EIF2B3: variants seen among roughly 807,000 people sequenced by gnomAD.
EIF2B3 encodes the protein eukaryotic translation initiation factor 2B subunit gamma, also known as translation initiation factor eIF2B subunit gamma.
Under a neutral mutation model 54.1 loss-of-function variants are expected in EIF2B3, and 20 were observed. The ratio of observed to expected loss-of-function variants is 0.37; its 90% CI spans 0.26 to 0.54. EIF2B3 has a LOEUF of 0.54. Among genes scored for constraint, EIF2B3 ranks in the 20% least tolerant of loss-of-function variants. The pLI is 0.86. For synonymous variants in EIF2B3, 153 were observed against 188.1 expected (o/e 0.81, Z 1.52); for missense variants, 448 against 547.8 (o/e 0.82, Z 1.82).
chr1:44,923,712 C>T (rs1032404192), intron 5 of EIF2B3, among the ~76,000 whole-genome samples: 3 of 152,122 alleles, frequency 2.0e-5, no homozygotes, highest in Non-Finnish European at 4.4e-5. Flanking sequence ...TCATTAATTA[C>T]ATTTAATCAT....
chr1:44,914,085 T>C (rs1431938208), intron 5 of EIF2B3, among the ~76,000 whole-genome samples: 2 of 149,658 alleles, frequency 1.3e-5, no homozygotes, highest in East Asian at 3.9e-4. Context: ...CTTGCCTTGG[T>C]CTCTCAAAGT....
At chr1:44,956,876 G>A (rs1458006454) in intron 3 of EIF2B3, among the ~76,000 whole-genome samples, 1 of 152,146 alleles carries the variant, frequency 6.6e-6, no homozygotes, top group Non-Finnish European at 1.5e-5. Context: ...GGAAACAAAA[G>A]TAGGTTTCTC....
intron 5 of EIF2B3, among the ~76,000 whole-genome samples, chr1:44,899,337 C>G (rs1656085466): frequency 6.6e-6 from 1 of 152,126 alleles, no homozygotes; most frequent in African/African-American, 2.4e-5. Flanking sequence ...ATTCCCCTTT[C>G]CATCTGATTA....
At chr1:44,919,102 C>T (rs1358845482) in intron 5 of EIF2B3, among the ~76,000 whole-genome samples, 2 of 152,116 alleles carry the variant, frequency 1.3e-5, no homozygotes, top group East Asian at 3.9e-4. Context: ...AATCCTAGCA[C>T]TTTGGGAGGC....
At chr1:44,916,917 T>C (rs940746979) in intron 5 of EIF2B3, among the ~76,000 whole-genome samples, 1 of 152,146 alleles carries the variant, frequency 6.6e-6, no homozygotes, top group Non-Finnish European at 1.5e-5. Flanking sequence ...AAAATCTTCA[T>C]TGTTTATAAT....
chr1:44,946,176 C>T (rs181579427), intron 3 of EIF2B3, among the ~76,000 whole-genome samples: 118 of 152,268 alleles, frequency 7.7e-4, no homozygotes, highest in African/African-American at 2.7e-3. Context: ...GTCTGGTTGC[C>T]ATCTGTTCTT....
chr1:44,852,499 G>A (rs982714272), intron 11 of EIF2B3, among the ~76,000 whole-genome samples: 11 of 152,020 alleles, frequency 7.2e-5, no homozygotes, highest in East Asian at 1.9e-4. Context: ...CATTGAGGGC[G>A]CTGGGCGCGG....
At chr1:44,983,163 C>A (rs746343838) in intron 1 of EIF2B3, among the ~76,000 whole-genome samples, 3 of 152,200 alleles carry the variant, frequency 2.0e-5, no homozygotes, top group African/African-American at 7.2e-5. Flanking sequence ...GGCCTCCTGC[C>A]TGGGCCTCCC....
chr1:44,938,815 AGGCCAAGT>A (rs1007020201), intron 4 of EIF2B3, among the ~76,000 whole-genome samples: 1 of 151,986 alleles, frequency 6.6e-6, no homozygotes, highest in African/African-American at 2.4e-5. Context: ...AGAAAGAAAG[AGGCCAAGT>A]GTGGTGACTC....
chr1:44,882,010 T>TTAA (rs970531175), intron 6 of EIF2B3, among the ~76,000 whole-genome samples: 2 of 152,246 alleles, frequency 1.3e-5, no homozygotes, highest in African/African-American at 4.8e-5. Context: ...TTTTTATTTA[T>TTAA]GTTTTTATTT....
chr1:44,912,797 A>G (rs1017239906), intron 5 of EIF2B3, among the ~76,000 whole-genome samples: 1 of 152,156 alleles, frequency 6.6e-6, no homozygotes, highest in Non-Finnish European at 1.5e-5. Flanking sequence ...TCCATGCATA[A>G]TTGAATCTTC....
intron 10 of EIF2B3, among the ~76,000 whole-genome samples, chr1:44,866,407 A>AC (rs529919374): frequency 9.2e-5 from 14 of 152,032 alleles, no homozygotes; most frequent in East Asian, 7.7e-4. Flanking sequence ...CAAAAAAAAA[A>AC]AAACAAACAA....
intron 6 of EIF2B3, among the ~76,000 whole-genome samples, chr1:44,891,683 A>C (rs1655801387): frequency 1.3e-5 from 2 of 152,234 alleles, no homozygotes; most frequent in South Asian, 4.1e-4. Flanking sequence ...CTTTGTGAAA[A>C]TTTATCAAGT....
At chr1:44,869,244 G>A (rs539219910) in intron 10 of EIF2B3, among the ~76,000 whole-genome samples, 1 of 152,214 alleles carries the variant, frequency 6.6e-6, no homozygotes, top group Admixed American at 6.5e-5. Context: ...TTGGGAGGCT[G>A]AGACAGGCAG....
At chr1:44,928,960 T>C (rs762294990) in intron 4 of EIF2B3, among the ~76,000 whole-genome samples, 11 of 152,210 alleles carry the variant, frequency 7.2e-5, no homozygotes, top group Middle Eastern at 3.2e-3. Context: ...ATTACCAGTT[T>C]ATGTTAGAGC....
At position 44,868,068 on chromosome 1, in the gene EIF2B3, C is replaced by T. The variant is rs138439848; in HGVS notation, c.1202+6610G>A. Among the ~76,000 whole-genome samples, 267 of 151,794 alleles carry T rather than the reference C, an allele frequency of 1.8e-3. 2 individuals are homozygous for T. The highest frequency in any genetic ancestry group is 0.015 in the Admixed American group (221 of 15,222). On this transcript the variant is annotated intron_variant, in intron 10 of 11. Transcript: ENST00000360403. Reference sequence around the variant, plus strand: ...AGACGGCAAATGACTATGAGATATGCTAGGCCTTTTCTCTGAACTTCTTTT... The same window carrying T: ...AGACGGCAAATGACTATGAGATATGTTAGGCCTTTTCTCTGAACTTCTTTT...
rs540780641 is a variant in EIF2B3 at position 44,979,027 on chromosome 1, T to G, written c.149-567A>C. On this transcript the variant is annotated intron_variant, in intron 2 of 11. Coordinates refer to ENST00000360403, the MANE Select transcript of EIF2B3 (RefSeq NM_020365.5). ...CTGGCTGGGCGCAGTGGCTCATGCCTGTAAATCCCAGCACTTTGGGAGGCC... is the reference window on the plus strand; with the variant it reads ...CTGGCTGGGCGCAGTGGCTCATGCCGGTAAATCCCAGCACTTTGGGAGGCC... 8.6e-5 allele frequency among the ~76,000 whole-genome samples: 13 copies of G among 152,020 alleles called. No homozygotes were observed. In the South Asian group the frequency reaches 2.5e-3, roughly 29 times the overall value.
At chr1:44,896,558 T>C (rs1569649422) in intron 6 of EIF2B3, among the ~76,000 whole-genome samples, 1 of 152,264 alleles carries the variant, frequency 6.6e-6, no homozygotes, top group East Asian at 1.9e-4. Context: ...GTGGTATCTG[T>C]TCACCTAGAT....
intron 3 of EIF2B3, among the ~76,000 whole-genome samples, chr1:44,971,179 G>C (rs186579925): frequency 6.6e-6 from 1 of 151,926 alleles, no homozygotes; most frequent in Non-Finnish European, 1.5e-5. Flanking sequence ...GTAGGAGATC[G>C]AGACCATCCT....
Sources: gnomAD v4.1 joint callset for allele counts (sites outside exome capture counted in the v4.1 genomes callset) on GRCh38, gnomAD v4.1.1 for gene constraint, MANE v1.5 for transcripts, NCBI Gene and HGNC (gene_info 2026-07-23, HGNC 2026-07-21) for gene names.